The following GRIA4 variants were observed in gnomAD, a reference collection of about 807,000 sequenced individuals.
The protein encoded by GRIA4 is glutamate receptor 4.
A neutral mutation model predicts 104.0 loss-of-function variants in GRIA4; 34 were observed. The ratio of observed to expected loss-of-function variants is 0.33; its 90% CI spans 0.25 to 0.44. The LOEUF is 0.44. GRIA4 is among the 20% of genes least tolerant of loss of function. The probability of loss-of-function intolerance (pLI) is 1.00; values close to 1 mark genes in which losing one functional copy is unlikely to be tolerated. For missense variants in GRIA4, 750 were observed against 1,096.5 expected (o/e 0.68, Z 4.46); for synonymous variants, 386 against 381.9 (o/e 1.01, Z -0.13).
chr11:105,839,971 C>A (rs903386730), intron 4 of GRIA4, among the ~76,000 whole-genome samples: 11 of 152,046 alleles, frequency 7.2e-5, no homozygotes, highest in African/African-American at 2.7e-4. Context: ...CTTAAGCCTA[C>A]CTTATCTAAA....
intron 5 of GRIA4, among the ~76,000 whole-genome samples, chr11:105,870,709 C>T (rs1431998075): frequency 6.6e-6 from 1 of 151,992 alleles, no homozygotes; most frequent in Non-Finnish European, 1.5e-5. Context: ...GGAGCCTAAC[C>T]ACAGAGGGTA....
At chr11:105,617,765 C>T (rs1465797558) in intron 3 of GRIA4, among the ~76,000 whole-genome samples, 1 of 152,024 alleles carries the variant, frequency 6.6e-6, no homozygotes, top group Non-Finnish European at 1.5e-5. Context: ...AGACATTATG[C>T]TAGCAGCTGG....
intron 3 of GRIA4, among the ~76,000 whole-genome samples, chr11:105,643,810 C>T (rs1465300247): frequency 6.6e-6 from 1 of 152,160 alleles, no homozygotes; most frequent in Admixed American, 6.5e-5. Context: ...CCTCTGCCTC[C>T]CAGGTTGAAG....
At chr11:105,874,560 T>A (rs1360256206) in intron 5 of GRIA4, among the ~76,000 whole-genome samples, 1 of 152,200 alleles carries the variant, frequency 6.6e-6, no homozygotes, top group Non-Finnish European at 1.5e-5. Flanking sequence ...GCATGGAATG[T>A]TTTTCCATTT....
intron 4 of GRIA4, among the ~76,000 whole-genome samples, chr11:105,778,960 G>C (rs1941585971): frequency 9.3e-6 from 1 of 108,084 alleles, no homozygotes; most frequent in Non-Finnish European, 1.7e-5. Context: ...AACAGGCCCT[G>C]GTGTGTCATG....
chr11:105,726,310 T>A (rs1477840178), intron 3 of GRIA4, among the ~76,000 whole-genome samples: 3 of 152,006 alleles, frequency 2.0e-5, no homozygotes, highest in African/African-American at 7.2e-5. Context: ...CCGCAGCACC[T>A]CAAAGCCACA....
chr11:105,823,483 A>G (rs941202143), intron 4 of GRIA4, among the ~76,000 whole-genome samples: 33 of 152,112 alleles, frequency 2.2e-4, no homozygotes, highest in Non-Finnish European at 5.9e-5. Flanking sequence ...TGGGAACCCA[A>G]GAAAGCAGGT....
At chr11:105,752,503 A>T (rs1191940418) in intron 3 of GRIA4, among the ~76,000 whole-genome samples, 1 of 152,210 alleles carries the variant, frequency 6.6e-6, no homozygotes, top group Non-Finnish European at 1.5e-5. Flanking sequence ...CAATTCAAGA[A>T]TAGAAAATAT....
chr11:105,873,785 T>G (rs1373689559), intron 5 of GRIA4, among the ~76,000 whole-genome samples: 1 of 152,180 alleles, frequency 6.6e-6, no homozygotes, highest in African/African-American at 2.4e-5. Flanking sequence ...CTTGTAAATT[T>G]GTTTAAGTTC....
intron 3 of GRIA4, among the ~76,000 whole-genome samples, chr11:105,679,135 C>T (rs761032966): frequency 2.6e-5 from 4 of 152,022 alleles, no homozygotes; most frequent in Admixed American, 6.6e-5. Flanking sequence ...AGGTAAAAAC[C>T]GACGTGGAAG....
intron 3 of GRIA4, among the ~76,000 whole-genome samples, chr11:105,739,054 T>C (rs996293300): frequency 1.3e-5 from 2 of 152,154 alleles, no homozygotes; most frequent in African/African-American, 2.4e-5. Flanking sequence ...AGCTCACTTA[T>C]TGTAGCCCTT....
intron 3 of GRIA4, among the ~76,000 whole-genome samples, chr11:105,645,680 T>A (rs867911748): frequency 7.2e-5 from 11 of 151,934 alleles, no homozygotes; most frequent in Admixed American, 7.2e-4. Context: ...TTTAAGTCAA[T>A]GAATAAAAGA....
chr11:105,758,163 T>A (rs1565522714), intron 4 of GRIA4, among the ~76,000 whole-genome samples: 2 of 152,092 alleles, frequency 1.3e-5, no homozygotes, highest in Non-Finnish European at 2.9e-5. Context: ...GAGCATCTCT[T>A]AGCCCAGGAA....
intron 3 of GRIA4, among the ~76,000 whole-genome samples, chr11:105,694,084 A>G (rs1413621538): frequency 6.6e-6 from 1 of 152,176 alleles, no homozygotes; most frequent in Non-Finnish European, 1.5e-5. Context: ...TTGAATAGGT[A>G]AACTAGCCCT....
intron 6 of GRIA4, among the ~76,000 whole-genome samples, chr11:105,888,271 C>CCTTT (rs1555038827): frequency 1.8e-5 from 1 of 54,560 alleles, no homozygotes; most frequent in Non-Finnish European, 3.0e-5. Flanking sequence ...ATGTTTTCTC[C>CCTTT]TTTTTTTTTT....
chr11:105,947,889 T>C (rs2136235256), intron 14 of GRIA4, among the ~76,000 whole-genome samples: 1 of 152,326 alleles, frequency 6.6e-6, no homozygotes, highest in South Asian at 2.1e-4. Flanking sequence ...ATAAGCCCTG[T>C]TGCTTTCAAA....
chr11:105,661,413 A>G (rs528369629), intron 3 of GRIA4, among the ~76,000 whole-genome samples: 5 of 151,732 alleles, frequency 3.3e-5, no homozygotes, highest in Non-Finnish European at 7.4e-5. Flanking sequence ...ACAAATAAAC[A>G]TAATACATAA....
intron 3 of GRIA4, among the ~76,000 whole-genome samples, chr11:105,726,625 C>G (rs903099999): frequency 6.6e-6 from 1 of 152,128 alleles, no homozygotes; most frequent in Non-Finnish European, 1.5e-5. Flanking sequence ...ACACCTCATA[C>G]AGGAGAGCTC....
intron 4 of GRIA4, among the ~76,000 whole-genome samples, chr11:105,763,531 C>T (rs1940773021): frequency 6.6e-6 from 1 of 152,036 alleles, no homozygotes. Flanking sequence ...CATATGATAA[C>T]ATCTACTGTC....
Sources: gnomAD v4.1 joint callset for allele counts (sites outside exome capture counted in the v4.1 genomes callset) on GRCh38, gnomAD v4.1.1 for gene constraint, MANE v1.5 for transcripts, NCBI Gene and HGNC (gene_info 2026-07-23, HGNC 2026-07-21) for gene names.